The following STARD3NL variants were observed in gnomAD, a reference collection of about 807,000 sequenced individuals.
STARD3NL encodes the protein STARD3 N-terminal-like protein.
In STARD3NL, 17 loss-of-function variants were observed where a neutral mutation model predicts 30.9. The ratio of observed to expected loss-of-function variants is 0.55; its 90% CI spans 0.38 to 0.82. The LOEUF (loss-of-function observed/expected upper bound fraction) is 0.82, where lower values mean the gene tolerates loss of function less well. Among genes scored for constraint, STARD3NL ranks in the 40% least tolerant of loss-of-function variants. STARD3NL has a pLI of 0.00. For synonymous variants in STARD3NL, 112 were observed against 100.5 expected (o/e 1.11, Z -0.69); for missense variants, 234 against 277.6 (o/e 0.84, Z 1.12).
intron 1 of STARD3NL, among the ~76,000 whole-genome samples, chr7:38,191,769 A>C (rs1215134314): frequency 6.6e-6 from 1 of 152,080 alleles, no homozygotes; most frequent in Non-Finnish European, 1.5e-5. Flanking sequence ...CTAGTACCAT[A>C]CTGTTTTGAT....
Position 38,226,496 on chromosome 7 carries a change from C to G in STARD3NL, c.650-2303C>G, listed in dbSNP as rs1786776980. ...ATACCTGGATCAAGGCTTCCATCCTCTGCCAGGTAGAAATGTACATGGGTT... is the reference window on the plus strand; with the variant it reads ...ATACCTGGATCAAGGCTTCCATCCTGTGCCAGGTAGAAATGTACATGGGTT... On this transcript the variant is annotated intron_variant, in intron 7 of 8. Coordinates refer to ENST00000009041, the MANE Select transcript of STARD3NL (RefSeq NM_032016.4). Among the ~76,000 whole-genome samples the G allele has an allele frequency of 2.0e-5, 3 of 152,216 alleles. No homozygotes were observed. In the East Asian group the frequency reaches 5.8e-4, roughly 29 times the overall value.
At chr7:38,204,435 A>G (rs1467001808) in intron 1 of STARD3NL, among the ~76,000 whole-genome samples, 1 of 152,210 alleles carries the variant, frequency 6.6e-6, no homozygotes, top group African/African-American at 2.4e-5. Flanking sequence ...CTTTGAAACC[A>G]ACAAAAACAA....
At chr7:38,216,753 A>C (rs2116351625) in intron 4 of STARD3NL, 1 of 471,736 alleles carries the variant, frequency 2.1e-6, no homozygotes, top group East Asian at 3.3e-5. Flanking sequence ...CTTCTGGTGG[A>C]TCAAACTTAG....
chr7:38,218,482 A>T (rs1272640497), intron 6 of STARD3NL, among the ~76,000 whole-genome samples: 1 of 152,230 alleles, frequency 6.6e-6, no homozygotes, highest in African/African-American at 2.4e-5. Context: ...AGTCTTTTTT[A>T]ATTGTATATA....
At chr7:38,191,644 A>G (rs1364095180) in intron 1 of STARD3NL, among the ~76,000 whole-genome samples, 1 of 152,158 alleles carries the variant, frequency 6.6e-6, no homozygotes, top group Non-Finnish European at 1.5e-5. Flanking sequence ...AACAGACTTT[A>G]TTTTCACCAT....
chr7:38,198,591 TCCAACA>T (rs576268899), intron 1 of STARD3NL, among the ~76,000 whole-genome samples: 103 of 152,348 alleles, frequency 6.8e-4, no homozygotes, highest in Non-Finnish European at 1.3e-3. Context: ...TGTCTATTAT[TCCAACA>T]TTCTTTTGGA....
intron 1 of STARD3NL, among the ~76,000 whole-genome samples, chr7:38,181,907 A>G (rs1784263006): frequency 6.6e-6 from 1 of 152,104 alleles, no homozygotes; most frequent in Non-Finnish European, 1.5e-5. Flanking sequence ...TGCCCTCTGG[A>G]TAGACAACTC....
At position 38,207,956 on chromosome 7, in the gene STARD3NL, A is replaced by G. The variant is rs147411887; in HGVS notation, c.225+227A>G. The stretch of plus-strand genomic sequence containing the variant: ...ATGTTGTCTGGGGTTTTGAAATTTG[A>G]ATTCCTGGTATTTTGCTCTGTAACA... On this transcript the variant is annotated intron_variant, in intron 2 of 8. Transcript: ENST00000009041. 7.8e-3 allele frequency among the ~76,000 whole-genome samples: 1,186 copies of G among 152,288 alleles called. 13 individuals are homozygous for G. Among genetic ancestry groups the G allele is most frequent in the African/African-American group, 0.028 (1,154 of 41,538 alleles).
chr7:38,223,843 T>C (rs780775942), intron 7 of STARD3NL, among the ~76,000 whole-genome samples: 1 of 152,214 alleles, frequency 6.6e-6, no homozygotes, highest in African/African-American at 2.4e-5. Flanking sequence ...AACTCATCCA[T>C]TGTAAATGTA....
intron 1 of STARD3NL, among the ~76,000 whole-genome samples, chr7:38,189,119 ATGTG>A (rs56335057): frequency 2.0e-5 from 3 of 150,482 alleles, no homozygotes; most frequent in East Asian, 3.9e-4. Flanking sequence ...GCAGCCTTGG[ATGTG>A]TGTGTGTGTG....
chr7:38,187,335 C>G (rs1443834517), intron 1 of STARD3NL, among the ~76,000 whole-genome samples: 1 of 152,198 alleles, frequency 6.6e-6, no homozygotes, highest in African/African-American at 2.4e-5. Flanking sequence ...CTCTTCTTTG[C>G]CTGGACCAAG....
intron 7 of STARD3NL, among the ~76,000 whole-genome samples, chr7:38,224,479 C>T (rs1212655800): frequency 1.3e-5 from 2 of 152,154 alleles, no homozygotes; most frequent in African/African-American, 4.8e-5. Flanking sequence ...CAATTGAGGT[C>T]TGAAAATATT....
intron 4 of STARD3NL, chr7:38,216,457 C>CTGTGTGTG (rs3217069): frequency 0.044 from 6,554 of 148,990 alleles, 471 homozygotes; most frequent in African/African-American, 0.15. Flanking sequence ...CCAAGCAGCT[C>CTGTGTGTG]TGTGTGTGTG....
intron 7 of STARD3NL, 112 bp from the exon 8 acceptor site, chr7:38,228,687 T>A: frequency 1.3e-6 from 1 of 787,714 alleles, no homozygotes; most frequent in Non-Finnish European, 2.0e-6. Flanking sequence ...ATTAAACATA[T>A]GTTTAATGTT....
chr7:38,182,000 A>T (rs1394755915), intron 1 of STARD3NL, among the ~76,000 whole-genome samples: 1 of 152,228 alleles, frequency 6.6e-6, no homozygotes, highest in Admixed American at 6.5e-5. Flanking sequence ...TCTCTATAAC[A>T]GAAGCCTTCT....
chr7:38,187,472 G>A (rs1784509779), intron 1 of STARD3NL, among the ~76,000 whole-genome samples: 2 of 152,096 alleles, frequency 1.3e-5, no homozygotes, highest in African/African-American at 2.4e-5. Flanking sequence ...CTGAGAGCAT[G>A]AGAACTCTTG....
intron 1 of STARD3NL, among the ~76,000 whole-genome samples, chr7:38,197,143 T>TCTTTCTTC: frequency 7.4e-6 from 1 of 134,780 alleles, no homozygotes; most frequent in Non-Finnish European, 1.6e-5. Context: ...CTTTTTTCTT[T>TCTTTCTTC]CTTTCTTTCT....
chr7:38,196,801 G>C (rs1011285585), intron 1 of STARD3NL, among the ~76,000 whole-genome samples: 2 of 147,452 alleles, frequency 1.4e-5, no homozygotes, highest in Non-Finnish European at 1.5e-5. Flanking sequence ...TGTAATTTAT[G>C]AAATAAATTT....
chr7:38,215,091 T>G lies in STARD3NL; in HGVS notation c.367T>G (p.Trp123Gly), dbSNP rs1351985970. Residue 123 changes from tryptophan (W) to glycine (G), a missense_variant, in exon 4 of 9, where the codon TGG becomes GGG. Coordinates refer to ENST00000009041, the MANE Select transcript of STARD3NL (RefSeq NM_032016.4). ...LAYAVCRLRH[W>G]WAIALTTAVT... ...ATATGCTGTGTGCAGACTGCGCCAT[T>G]GGTGGGCAATAGCGGTGAGTATGCC... The G allele has an allele frequency of 6.2e-7, 1 of 1,613,906 alleles. No homozygotes were observed. Among genetic ancestry groups the G allele is most frequent in the Non-Finnish European group, 8.5e-7 (1 of 1,179,952 alleles).
Sources: allele counts gnomAD v4.1 joint callset (sites outside exome capture counted in the v4.1 genomes callset), GRCh38; gene constraint gnomAD v4.1.1; transcripts MANE v1.5; gene names NCBI Gene and HGNC (gene_info 2026-07-23, HGNC 2026-07-21).